SNX9: variants seen among roughly 807,000 people sequenced by gnomAD.
SNX9 encodes the protein sorting nexin-9.
SNX9 carries 44 observed loss-of-function variants against 89.4 expected under a neutral mutation model. That is an observed-to-expected ratio of 0.49 (90% CI 0.39 to 0.63). The LOEUF (loss-of-function observed/expected upper bound fraction) is 0.63, where lower values mean the gene tolerates loss of function less well. Ranked by LOEUF, SNX9 falls within the 30% of genes least tolerant of loss-of-function variation. SNX9 has a pLI of 0.00. For missense variants in SNX9, 578 were observed against 736.1 expected (o/e 0.79, Z 2.49); for synonymous variants, 236 against 247.8 (o/e 0.95, Z 0.45).
intron 9 of SNX9, among the ~76,000 whole-genome samples, chr6:157,917,239 A>G (rs1387419622): frequency 6.6e-6 from 1 of 151,762 alleles, no homozygotes; most frequent in African/African-American, 2.4e-5. Context: ...GATTTTGATC[A>G]TTGTCACCTC....
At position 157,944,550 on chromosome 6, in the gene SNX9, G is replaced by C. The variant is rs189922367; in HGVS notation, c.*1712G>C. On this transcript the variant is annotated 3_prime_UTR_variant, in exon 18 of 18. Coordinates refer to ENST00000392185, the MANE Select transcript of SNX9 (RefSeq NM_016224.5). ...TTTTTCAAAACACTTTTTGGACTTT[G>C]TGTGTGATTTTTGTTGTTGTTGTTA... The C allele has an allele frequency of 2.0e-5, 3 of 152,586 alleles. No individual in the cohort carries two copies. The highest frequency in any genetic ancestry group is 6.5e-5 in the Admixed American group (1 of 15,304). 9.5% of individuals were successfully genotyped at this position (152,586 alleles called of 1,614,324 possible).
At position 157,876,732 on chromosome 6, in the gene SNX9, G is replaced by A. The variant is rs1456653522; in HGVS notation, c.300+1556G>A. On this transcript the variant is annotated intron_variant, in intron 4 of 17. Transcript: ENST00000392185. ...ATACCTCACTGGAAGTTTTCCCAGG[G>A]GTTCTCAACCTGAGCCTCATTGCCG... Among the ~76,000 whole-genome samples the A allele has an allele frequency of 3.9e-5, 6 of 152,218 alleles. No individual in the cohort carries two copies. The East Asian group carries it at 1.2e-3, about 29-fold the overall frequency.
At chr6:157,939,910 C>T (rs889075444) in intron 16 of SNX9, among the ~76,000 whole-genome samples, 1 of 151,082 alleles carries the variant, frequency 6.6e-6, no homozygotes, top group Non-Finnish European at 1.5e-5. Context: ...AGGAGGCATC[C>T]GAGGGAGGCA....
At chr6:157,892,308 C>T (rs1184137459) in intron 4 of SNX9, among the ~76,000 whole-genome samples, 2 of 152,054 alleles carry the variant, frequency 1.3e-5, no homozygotes, top group Non-Finnish European at 2.9e-5. Context: ...TGATTGGTTA[C>T]AGTTAAGAGG....
At chr6:157,861,126 T>G in intron 1 of SNX9, among the ~76,000 whole-genome samples, 1 of 152,256 alleles carries the variant, frequency 6.6e-6, no homozygotes, top group Non-Finnish European at 1.5e-5. Flanking sequence ...TTAAAAATTT[T>G]TATTCATTCT....
At chr6:157,925,345 A>G (rs1210792689) in intron 10 of SNX9, among the ~76,000 whole-genome samples, 4 of 151,168 alleles carry the variant, frequency 2.6e-5, no homozygotes, top group African/African-American at 9.9e-5. Context: ...GACCATACCA[A>G]GTGTCATCTT....
intron 1 of SNX9, among the ~76,000 whole-genome samples, chr6:157,860,083 A>G (rs1389972932): frequency 1.3e-5 from 2 of 152,210 alleles, no homozygotes; most frequent in South Asian, 2.1e-4. Context: ...ATGGCCTGCA[A>G]ACTCGAAAAT....
At chr6:157,880,795 G>A (rs1175801352) in intron 4 of SNX9, among the ~76,000 whole-genome samples, 2 of 152,176 alleles carry the variant, frequency 1.3e-5, no homozygotes, top group East Asian at 3.8e-4. Context: ...GAGTTTAGGA[G>A]CCAGACTGTC....
Position 157,942,873 on chromosome 6 carries a change from T to G in SNX9, c.*35T>G, listed in dbSNP as rs568012528. 5 of 1,595,764 alleles carry G rather than the reference T, an allele frequency of 3.1e-6. No individual in the cohort carries two copies. Among genetic ancestry groups the G allele is most frequent in the Non-Finnish European group, 4.3e-6 (5 of 1,168,038 alleles). On this transcript the variant is annotated 3_prime_UTR_variant, in exon 18 of 18. Transcript: ENST00000392185. ...GGCCTTGAAGAGAATGCCGCGTGCT[T>G]TCTCCTGACTTGGGGCAATGCAATT...
intron 4 of SNX9, among the ~76,000 whole-genome samples, chr6:157,884,037 A>C (rs1469251443): frequency 6.6e-6 from 1 of 152,206 alleles, no homozygotes; most frequent in Non-Finnish European, 1.5e-5. Flanking sequence ...AGACTTACAG[A>C]TTTCCTGAAT....
chr6:157,912,393 G>A (rs960372624), intron 9 of SNX9, among the ~76,000 whole-genome samples: 1 of 151,732 alleles, frequency 6.6e-6, no homozygotes, highest in Non-Finnish European at 1.5e-5. Flanking sequence ...AGAGAGTCAC[G>A]GTTCTCCTTC....
At chr6:157,930,109 C>A (rs1206162919) in intron 12 of SNX9, among the ~76,000 whole-genome samples, 3 of 152,176 alleles carry the variant, frequency 2.0e-5, no homozygotes, top group Non-Finnish European at 4.4e-5. Flanking sequence ...GTTTGCCAGG[C>A]CCTGCCTTAC....
At chr6:157,896,752 G>A (rs925880408) in intron 4 of SNX9, 75 bp from the exon 5 acceptor site, 4 of 1,496,110 alleles carry the variant, frequency 2.7e-6, no homozygotes, top group African/African-American at 1.4e-5. Flanking sequence ...ATTCAATTGT[G>A]TCAGTTCATT....
At chr6:157,866,045 C>A (rs925962704) in intron 1 of SNX9, among the ~76,000 whole-genome samples, 2 of 141,628 alleles carry the variant, frequency 1.4e-5, no homozygotes, top group Non-Finnish European at 3.3e-5. Context: ...AAGACAATCA[C>A]TTAGAATTTG....
At chr6:157,856,271 A>G (rs1782009631) in intron 1 of SNX9, among the ~76,000 whole-genome samples, 2 of 152,222 alleles carry the variant, frequency 1.3e-5, no homozygotes, top group African/African-American at 4.8e-5. Flanking sequence ...TGCCAAACAC[A>G]TTCAGAAGTA....
chr6:157,844,181 A>G (rs1343993974), intron 1 of SNX9, among the ~76,000 whole-genome samples: 3 of 152,016 alleles, frequency 2.0e-5, no homozygotes, highest in Non-Finnish European at 2.9e-5. Flanking sequence ...TTGCCTGCCA[A>G]TTTCTTAGAG....
rs112950811 is a variant in SNX9 at position 157,867,723 on chromosome 6, G to T, written c.99+90G>T. 2.3e-5 allele frequency: 23 copies of T among 1,018,130 alleles called. No individual in the cohort carries two copies. In the African/African-American group the frequency reaches 3.1e-4, roughly 14 times the overall value. 63.1% of individuals were successfully genotyped at this position (1,018,130 alleles called of 1,614,324 possible). On this transcript the variant is annotated intron_variant, in intron 2 of 17. Transcript: ENST00000392185. ...GAGAACTGTACATTCGAGTCTGATT[G>T]TCCCATGTGGACTTATTTTTAAGAT...
At chr6:157,914,463 CTTTTTCTTTTTTTTTT>C (rs1783417393) in intron 9 of SNX9, among the ~76,000 whole-genome samples, 1 of 96,632 alleles carries the variant, frequency 1.0e-5, no homozygotes, top group Admixed American at 1.2e-4. Flanking sequence ...TTGTCATTTT[CTTTTTCTTTTTTTTTT>C]TTTTTTTTTT....
intron 1 of SNX9, among the ~76,000 whole-genome samples, chr6:157,857,325 G>A (rs1249852111): frequency 6.6e-6 from 1 of 152,086 alleles, no homozygotes; most frequent in Admixed American, 6.6e-5. Flanking sequence ...CATCTTGTAT[G>A]TTTTATATGG....
Sources: gnomAD v4.1 joint callset for allele counts (sites outside exome capture counted in the v4.1 genomes callset) on GRCh38, gnomAD v4.1.1 for gene constraint, MANE v1.5 for transcripts, NCBI Gene and HGNC (gene_info 2026-07-23, HGNC 2026-07-21) for gene names.